Variants in MRAS observed in about 807,000 individuals in gnomAD.
MRAS encodes the protein muscle RAS oncogene homolog.
Under a neutral mutation model 20.9 loss-of-function variants are expected in MRAS, and 4 were observed. That is an observed-to-expected ratio of 0.19 (90% CI 0.09 to 0.44). The LOEUF is 0.44. Ranked by LOEUF, MRAS falls within the 20% of genes least tolerant of loss-of-function variation. The pLI, the probability that MRAS is intolerant of heterozygous loss-of-function variation, is 0.99. For missense variants in MRAS, 154 were observed against 277.5 expected (o/e 0.56, Z 3.16); for synonymous variants, 98 against 102.9 (o/e 0.95, Z 0.29).
chr3:138,371,811 C>T (rs1441942706), intron 1 of MRAS, among the ~76,000 whole-genome samples: 3 of 88,648 alleles, frequency 3.4e-5, no homozygotes, highest in South Asian at 8.2e-4. Context: ...CTGTCAGCCT[C>T]CTTCTGGAAA....
intron 1 of MRAS, among the ~76,000 whole-genome samples, chr3:138,363,819 ACCC>A (rs62977360): frequency 2.1e-4 from 7 of 32,952 alleles, no homozygotes; most frequent in Non-Finnish European, 2.4e-4. Flanking sequence ...TAGAGGATTT[ACCC>A]CCCCCCCCCC....
chr3:138,405,420 G>A lies in MRAS; in HGVS notation c.*3151G>A, dbSNP rs879657525. On this transcript the variant is annotated 3_prime_UTR_variant, in exon 6 of 6. Coordinates refer to ENST00000423968, the MANE Select transcript of MRAS (RefSeq NM_001085049.3). ...TTCTGTTTCATAGTCTTAACAGGTG[G>A]CCATTGTCGTGAAACGAGTGATGCC... is the stretch of plus-strand genomic sequence containing the variant. 2 of 152,690 alleles carry A rather than the reference G, an allele frequency of 1.3e-5. No individual in the cohort carries two copies. The highest frequency in any genetic ancestry group is 2.9e-5 in the Non-Finnish European group (2 of 68,052). The allele number at this position is 152,690 out of a possible 1,614,324, so 9.5% of individuals were successfully genotyped here.
At chr3:138,352,399 C>T (rs770783397) in intron 1 of MRAS, among the ~76,000 whole-genome samples, 5 of 152,142 alleles carry the variant, frequency 3.3e-5, no homozygotes, top group Non-Finnish European at 7.3e-5. Flanking sequence ...AGGCATTCCT[C>T]TTGTAGGAGT....
chr3:138,387,872 T>G (rs2055049691), intron 2 of MRAS, among the ~76,000 whole-genome samples: 2 of 152,308 alleles, frequency 1.3e-5, no homozygotes, highest in Admixed American at 6.5e-5. Flanking sequence ...TTGTGAAAAC[T>G]TATCCCAAGA....
intron 1 of MRAS, among the ~76,000 whole-genome samples, chr3:138,360,746 C>T (rs1034352268): frequency 2.0e-5 from 3 of 152,216 alleles, no homozygotes; most frequent in African/African-American, 7.2e-5. Flanking sequence ...ATCACTCCTG[C>T]ATTTGGAAAT....
intron 2 of MRAS, among the ~76,000 whole-genome samples, chr3:138,396,847 C>A (rs2055247095): frequency 6.6e-6 from 1 of 152,104 alleles, no homozygotes; most frequent in South Asian, 2.1e-4. Context: ...CACAAATAAG[C>A]TCTTCTCCCC....
At chr3:138,378,438 C>G (rs1432528186) in intron 2 of MRAS, among the ~76,000 whole-genome samples, 3 of 152,226 alleles carry the variant, frequency 2.0e-5, no homozygotes, top group Non-Finnish European at 4.4e-5. Flanking sequence ...TGAGTTCTTT[C>G]CTGCAAGGGT....
At chr3:138,384,751 A>T (rs1315107629) in intron 2 of MRAS, among the ~76,000 whole-genome samples, 2 of 152,140 alleles carry the variant, frequency 1.3e-5, no homozygotes, top group African/African-American at 2.4e-5. Context: ...AGAAGGACCC[A>T]CCAATGTTTA....
chr3:138,401,956 C>G (rs1172540712), intron 5 of MRAS, among the ~76,000 whole-genome samples: 1 of 152,176 alleles, frequency 6.6e-6, no homozygotes, highest in South Asian at 2.1e-4. Context: ...CCCATCTCCC[C>G]CATTGCATTG....
chr3:138,400,462 G>C, intron 4 of MRAS, 72 bp from the exon 5 acceptor site: 1 of 1,410,316 alleles, frequency 7.1e-7, no homozygotes, highest in Non-Finnish European at 1.0e-6. Context: ...GAACCTCTGG[G>C]CATTTTTAAG....
chr3:138,382,467 G>A (rs950520697), intron 2 of MRAS, among the ~76,000 whole-genome samples: 1 of 152,216 alleles, frequency 6.6e-6, no homozygotes, highest in Non-Finnish European at 1.5e-5. Context: ...TTCCAGGTGA[G>A]CGCAGCTGCT....
At chr3:138,380,810 G>A (rs1295281787) in intron 2 of MRAS, among the ~76,000 whole-genome samples, 3 of 148,410 alleles carry the variant, frequency 2.0e-5, no homozygotes, top group Admixed American at 6.8e-5. Context: ...TCGCTCTGTC[G>A]CCAGGCTGGA....
chr3:138,349,538 C>T (rs1176185167), intron 1 of MRAS: 1 of 152,368 alleles, frequency 6.6e-6, no homozygotes, highest in Admixed American at 6.5e-5. Context: ...GAGCTGAGGT[C>T]TGTTCTGGCC....
At chr3:138,366,612 C>A (rs1186863929) in intron 1 of MRAS, among the ~76,000 whole-genome samples, 2 of 152,206 alleles carry the variant, frequency 1.3e-5, no homozygotes, top group Non-Finnish European at 2.9e-5. Context: ...ATGAAGAATG[C>A]CCTGTAGGAT....
intron 1 of MRAS, among the ~76,000 whole-genome samples, chr3:138,370,329 CA>C (rs1256340892): frequency 6.6e-6 from 1 of 152,150 alleles, no homozygotes; most frequent in African/African-American, 2.4e-5. Flanking sequence ...AACAAAAAGC[CA>C]AACACCAGCA....
In MRAS at chr3:138,402,749, T is replaced by A. The variant is rs2055387666; in HGVS notation, c.*480T>A. 1 of 152,928 alleles carries A rather than the reference T, an allele frequency of 6.5e-6. No homozygotes were observed. Among genetic ancestry groups the A allele is most frequent in the South Asian group, 2.1e-4 (1 of 4,828 alleles). The allele number at this position is 152,928 out of a possible 1,614,324, so 9.5% of individuals were successfully genotyped here. ...ATTATTTTATTAAAGGGGTCTGGGC[T>A]CACTGCCTGGTGAAGTTTCAAGTGT... On this transcript the variant is annotated 3_prime_UTR_variant, in exon 6 of 6. Transcript: ENST00000423968.
intron 1 of MRAS, among the ~76,000 whole-genome samples, chr3:138,370,462 C>T (rs574538859): frequency 1.8e-4 from 27 of 152,252 alleles, no homozygotes; most frequent in African/African-American, 6.0e-4. Flanking sequence ...GCCACTGGGC[C>T]ACCCCTCCCT....
At chr3:138,399,975 C>T (rs2055325556) in intron 4 of MRAS, among the ~76,000 whole-genome samples, 3 of 152,212 alleles carry the variant, frequency 2.0e-5, no homozygotes, top group Non-Finnish European at 4.4e-5. Flanking sequence ...ATTGAACGTG[C>T]AGACAAAAAC....
intron 2 of MRAS, among the ~76,000 whole-genome samples, chr3:138,381,677 G>A (rs778057763): frequency 2.0e-5 from 3 of 152,184 alleles, no homozygotes; most frequent in Non-Finnish European, 2.9e-5. Context: ...CAACCTCTCT[G>A]TCTCCGACTC....
Sources: allele counts gnomAD v4.1 joint callset (sites outside exome capture counted in the v4.1 genomes callset), GRCh38; gene constraint gnomAD v4.1.1; transcripts MANE v1.5; gene names NCBI Gene and HGNC (gene_info 2026-07-23, HGNC 2026-07-21).